CSNK1D: variants seen among roughly 807,000 people sequenced by gnomAD.
CSNK1D encodes casein kinase I isoform delta.
CSNK1D carries 16 observed loss-of-function variants against 46.6 expected under a neutral mutation model. That is an observed-to-expected ratio of 0.34 (90% confidence interval 0.23 to 0.52). The LOEUF is 0.52. Ranked by LOEUF, CSNK1D falls within the 20% of genes least tolerant of loss-of-function variation. CSNK1D has a pLI of 0.95. For missense variants in CSNK1D, 398 were observed against 578.4 expected (o/e 0.69, Z 3.20); for synonymous variants, 276 against 228.2 (o/e 1.21, Z -1.89).
At chr17:82,257,605 C>T (rs887106581) in intron 2 of CSNK1D, among the ~76,000 whole-genome samples, 1 of 152,190 alleles carries the variant, frequency 6.6e-6, no homozygotes, top group Non-Finnish European at 1.5e-5. Context: ...ACAGCCGTGC[C>T]AGCCAGTGAC....
At chr17:82,262,818 C>A (rs2051374079) in intron 2 of CSNK1D, among the ~76,000 whole-genome samples, 1 of 152,226 alleles carries the variant, frequency 6.6e-6, no homozygotes, top group South Asian at 2.1e-4. Context: ...AATTCAAGAA[C>A]CACCACCAGA....
At chr17:82,246,022 T>C in intron 8 of CSNK1D, 1 of 1,610,348 alleles carries the variant, frequency 6.2e-7, no homozygotes, top group Non-Finnish European at 8.5e-7. Flanking sequence ...TGCCGTGGTG[T>C]TCGAAAGGAA....
rs2050934853 is a variant in CSNK1D, at chr17:82,249,298, C to A, written c.1057+133G>T. 7.8e-6 allele frequency: 8 copies of A among 1,020,614 alleles called. No homozygotes were observed. In the East Asian group the frequency reaches 2.1e-4, roughly 26 times the overall value. The allele number at this position is 1,020,614 out of a possible 1,614,324, so 63.2% of individuals were successfully genotyped here. ...GCGCCTGGGCAGCCTGGCTCATCCACCCTCAGGAGCGAGCATCGCCTGACA... is the reference window on the plus strand; with the variant it reads ...GCGCCTGGGCAGCCTGGCTCATCCAACCTCAGGAGCGAGCATCGCCTGACA... On this transcript the variant is annotated intron_variant, in intron 7 of 8. Transcript: ENST00000314028. This position sits in a 1 kb window ranked among gnomAD's most constrained non-coding sequence, Gnocchi z 6.7.
intron 2 of CSNK1D, among the ~76,000 whole-genome samples, chr17:82,263,583 G>A (rs752724933): frequency 2.0e-5 from 3 of 152,232 alleles, no homozygotes; most frequent in Non-Finnish European, 2.9e-5. Flanking sequence ...AGTCCTGTCC[G>A]GAACCACGTA....
intron 1 of CSNK1D, among the ~76,000 whole-genome samples, chr17:82,267,951 G>C (rs2051520536): frequency 1.3e-5 from 2 of 152,270 alleles, no homozygotes; most frequent in South Asian, 4.1e-4. Context: ...CACACCTGCA[G>C]CACTGACTGT....
downstream of CSNK1D, chr17:82,242,587 G>GT (rs2050756577): frequency 1.1e-6 from 1 of 936,770 alleles, no homozygotes; most frequent in Non-Finnish European, 1.3e-6. Flanking sequence ...TCTCAAAGAA[G>GT]TATTTTCACA....
In CSNK1D at chr17:82,273,444, G is replaced by GCGGC. The variant is rs1157616844; in HGVS notation, c.-67_-64dup. On this transcript the variant is annotated 5_prime_UTR_variant, in exon 1 of 9. Coordinates refer to ENST00000314028, the MANE Select transcript of CSNK1D (RefSeq NM_001893.6). The surrounding 1 kb of genome is among the most constrained non-coding windows in gnomAD (Gnocchi z 5.1). ...GCTTCCTGGGTCTGAACTCTGGGAG[G>GCGGC]CGGCGCCGCTGCTGCCGCTACTGCG... is the stretch of plus-strand genomic sequence containing the variant. 1 of 1,589,228 alleles carries GCGGC rather than the reference G, an allele frequency of 6.3e-7. No individual in the cohort carries two copies. Among genetic ancestry groups the GCGGC allele is most frequent in the African/African-American group, 1.4e-5 (1 of 73,684 alleles).
In CSNK1D at chr17:82,251,685, A is replaced by G. The variant is rs1414724104; in HGVS notation, c.737-158T>C. 4.9e-6 allele frequency: 4 copies of G among 814,814 alleles called. No individual in the cohort carries two copies. The highest frequency in any genetic ancestry group is 1.7e-5 in the African/African-American group (1 of 59,120). 50.5% of individuals were successfully genotyped at this position (814,814 alleles called of 1,614,324 possible). A position where few individuals can be genotyped will look rare whatever the true frequency, so the allele number is the denominator to read the frequency against. On this transcript the variant is annotated intron_variant, in intron 5 of 8. Transcript: ENST00000314028. The surrounding 1 kb of genome is among the most constrained non-coding windows in gnomAD (Gnocchi z 4.5). ...TTTCTAAGACCTGAAGCCTTGAGAAAGCATCGAAAAGTATTCAAGTCACGG... is the reference window on the plus strand; with the variant it reads ...TTTCTAAGACCTGAAGCCTTGAGAAGGCATCGAAAAGTATTCAAGTCACGG...
At chr17:82,273,715 T>G (rs978390627), upstream of CSNK1D, 1 of 471,504 alleles carries the variant, frequency 2.1e-6, no homozygotes, top group Non-Finnish European at 3.7e-6. This position sits in a 1 kb window ranked among gnomAD's most constrained non-coding sequence, Gnocchi z 5.1. Flanking sequence ...TCACTTCCCC[T>G]AGCAACCCGG....
chr17:82,253,050 C>T lies in CSNK1D; in HGVS notation c.531G>A (p.Ala177=), dbSNP rs1234622063. 7 of 1,614,066 alleles carry T rather than the reference C, an allele frequency of 4.3e-6. No individual in the cohort carries two copies. The highest frequency in any genetic ancestry group is 4.2e-6 in the Non-Finnish European group (5 of 1,180,034). The change falls in exon 4 of 9, where the codon GCG becomes GCA. Residue 177 remains alanine (A), a synonymous_variant. Transcript: ENST00000314028. ...GGTGCGTGTTGATGGAGGCGTACCG[C>T]GCCGTCCCCGTGAGGTTCTTGTTCT... is the stretch of plus-strand genomic sequence containing the variant. ...YRENKNLTGT[A]RYASINTHLG...
chr17:82,260,188 G>C (rs1326507883), intron 2 of CSNK1D, among the ~76,000 whole-genome samples: 33 of 148,396 alleles, frequency 2.2e-4, no homozygotes, highest in African/African-American at 7.8e-4. Flanking sequence ...GGTGTACTGA[G>C]TGGTGACTGA....
intron 1 of CSNK1D, among the ~76,000 whole-genome samples, chr17:82,270,642 C>T (rs1471487388): frequency 6.6e-6 from 1 of 152,186 alleles, no homozygotes; most frequent in Non-Finnish European, 1.5e-5. Flanking sequence ...TGCTCAGACC[C>T]ACGCTTCTTT....
In CSNK1D at chr17:82,250,241, C is replaced by T. The variant is rs1272301113; in HGVS notation, c.886-639G>A. The T allele has an allele frequency of 7.8e-6, 10 of 1,284,430 alleles. No individual in the cohort carries two copies. Among genetic ancestry groups the T allele is most frequent in the East Asian group, 1.1e-4 (2 of 18,002 alleles). 79.6% of individuals were successfully genotyped at this position (1,284,430 alleles called of 1,614,324 possible). A position where few individuals can be genotyped will look rare whatever the true frequency, so the allele number is the denominator to read the frequency against. ...GGCAGGGGCCTGCAAACTACAGCCC[C>T]GGGGCCAAACCCAGGTGCCACTTCT... On this transcript the variant is annotated intron_variant, in intron 6 of 8. Transcript: ENST00000314028. This position sits in a 1 kb window ranked among gnomAD's most constrained non-coding sequence, Gnocchi z 4.6.
chr17:82,267,059 CAAAAAAAAAAA>C (rs975298692), intron 1 of CSNK1D: 18 of 51,120 alleles, frequency 3.5e-4, no homozygotes, highest in African/African-American at 1.0e-3. Context: ...GACACCGTCT[CAAAAAAAAAAA>C]AAAAAAAAAA....
Position 82,243,561 on chromosome 17 carries a change from C to T in CSNK1D, c.*1220G>A, listed in dbSNP as rs1157858832. The T allele has an allele frequency of 3.0e-6, 3 of 985,358 alleles. No homozygotes were observed. The highest frequency in any genetic ancestry group is 3.6e-6 in the Non-Finnish European group (3 of 829,956). 61.0% of individuals were successfully genotyped at this position (985,358 alleles called of 1,614,324 possible). ...TTCTGACCAACAGACACGCGCCCAA[C>T]AGAAGGTCACAGCGCAGACTCTACT... On this transcript the variant is annotated 3_prime_UTR_variant, in exon 9 of 9. Coordinates refer to ENST00000314028, the MANE Select transcript of CSNK1D (RefSeq NM_001893.6).
Position 82,251,028 on chromosome 17 carries a change from A to G in CSNK1D, c.885+351T>C. ...CACTCATCTCGTGGGCACCACGACCATGTGGCACAGCGAATGGGAATGCGC... is the reference window on the plus strand; with the variant it reads ...CACTCATCTCGTGGGCACCACGACCGTGTGGCACAGCGAATGGGAATGCGC... On this transcript the variant is annotated intron_variant, in intron 6 of 8. Transcript: ENST00000314028. This position sits in a 1 kb window ranked among gnomAD's most constrained non-coding sequence, Gnocchi z 4.5. The G allele has an allele frequency of 2.8e-6, 1 of 359,202 alleles. No individual in the cohort carries two copies. Among genetic ancestry groups the G allele is most frequent in the South Asian group, 2.3e-5 (1 of 43,972 alleles). The allele number at this position is 359,202 out of a possible 1,614,324, so 22.3% of individuals were successfully genotyped here.
Position 82,243,375 on chromosome 17 carries a change from G to A in CSNK1D, c.*1406C>T, listed in dbSNP as rs2050774619. The A allele has an allele frequency of 5.1e-6, 5 of 985,564 alleles. No individual in the cohort carries two copies. The highest frequency in any genetic ancestry group is 6.0e-6 in the Non-Finnish European group (5 of 829,998). 61.1% of individuals were successfully genotyped at this position (985,564 alleles called of 1,614,324 possible). On this transcript the variant is annotated 3_prime_UTR_variant, in exon 9 of 9. Transcript: ENST00000314028. ...ACAGACTGCCCTGCGCATTGGGGTT[G>A]GGAGCACATGGCCACTGGCTACCGC...
rs2050767395 is a variant in CSNK1D at position 82,243,045 on chromosome 17, T to C, written c.*1736A>G. On this transcript the variant is annotated 3_prime_UTR_variant, in exon 9 of 9. Coordinates refer to ENST00000314028, the MANE Select transcript of CSNK1D (RefSeq NM_001893.6). The stretch of plus-strand genomic sequence containing the variant: ...CCAGCAACAAAGAAAATCTCTTAAC[T>C]CGGCTCTGACCCACCCCAACCTCCC... The C allele has an allele frequency of 1.0e-6, 1 of 985,226 alleles. No individual in the cohort carries two copies. The highest frequency in any genetic ancestry group is 1.7e-5 in the African/African-American group (1 of 57,194). 61.0% of individuals were successfully genotyped at this position (985,226 alleles called of 1,614,324 possible).
chr17:82,265,457 G>A (rs2051444579), intron 2 of CSNK1D: 1 of 525,378 alleles, frequency 1.9e-6, no homozygotes, highest in African/African-American at 1.9e-5. Context: ...GGGATTCCAG[G>A]CGTGAGCCAC....
Sources: gnomAD v4.1 joint callset for allele counts (sites outside exome capture counted in the v4.1 genomes callset) on GRCh38, gnomAD v4.1.1 for gene constraint, Gnocchi (gnomAD v3.1) non-coding constraint, MANE v1.5 for transcripts, NCBI Gene and HGNC (gene_info 2026-07-23, HGNC 2026-07-21) for gene names.